ADAMTS20: variants seen among roughly 807,000 people sequenced by gnomAD.
ADAMTS20 encodes the protein A disintegrin and metalloproteinase with thrombospondin motifs 20.
A neutral mutation model predicts 260.1 loss-of-function variants in ADAMTS20; 225 were observed. The ratio of observed to expected loss-of-function variants is 0.87; its 90% CI spans 0.78 to 0.97. The LOEUF (loss-of-function observed/expected upper bound fraction) is 0.97. Among genes scored for constraint, ADAMTS20 ranks in the 50% least tolerant of loss-of-function variants. The pLI, the probability that ADAMTS20 is intolerant of heterozygous loss-of-function variation, is 0.00. For synonymous variants in ADAMTS20, 802 were observed against 769.5 expected, an observed-to-expected ratio of 1.04 and a Z score of -0.70; for missense variants, 2,400 against 2,337.7, an observed-to-expected ratio of 1.03 and a Z score of -0.55.
intron 28 of ADAMTS20, among the ~76,000 whole-genome samples, chr12:43,414,546 C>T (rs1225026496): frequency 6.6e-6 from 1 of 152,020 alleles, no homozygotes; most frequent in Non-Finnish European, 1.5e-5. Flanking sequence ...GGACAAAAGA[C>T]TTCCATAGGT....
chr12:43,530,851 T>C (rs1354778633), intron 3 of ADAMTS20, among the ~76,000 whole-genome samples: 1 of 152,096 alleles, frequency 6.6e-6, no homozygotes, highest in Non-Finnish European at 1.5e-5. Flanking sequence ...TCTAATCTAT[T>C]ATAAATCTTC....
chr12:43,508,809 G>A (rs1378823121), intron 3 of ADAMTS20, among the ~76,000 whole-genome samples: 1 of 151,870 alleles, frequency 6.6e-6, no homozygotes, highest in Non-Finnish European at 1.5e-5. Context: ...ATAAATTATT[G>A]CTGACTGTAG....
intron 16 of ADAMTS20, among the ~76,000 whole-genome samples, 189 bp downstream of exon 16, chr12:43,443,600 GTT>G (rs79186773): frequency 2.0e-5 from 3 of 147,602 alleles, no homozygotes; most frequent in Admixed American, 6.7e-5. Context: ...ATTTCATTAA[GTT>G]TTTTTTTTTT....
At chr12:43,463,325 A>G (rs1206282394) in intron 10 of ADAMTS20, among the ~76,000 whole-genome samples, 1 of 152,174 alleles carries the variant, frequency 6.6e-6, no homozygotes, top group Non-Finnish European at 1.5e-5. Context: ...TTTATTGTTA[A>G]ATATTATTCA....
At chr12:43,360,494 A>G (rs1939844018) in intron 37 of ADAMTS20, among the ~76,000 whole-genome samples, 1 of 152,086 alleles carries the variant, frequency 6.6e-6, no homozygotes, top group Non-Finnish European at 1.5e-5. Context: ...TAAAAAGACA[A>G]AGGACATAAA....
At chr12:43,435,551 A>G (rs1309516271) in intron 18 of ADAMTS20, among the ~76,000 whole-genome samples, 1 of 150,204 alleles carries the variant, frequency 6.7e-6, no homozygotes, top group Admixed American at 6.7e-5. Flanking sequence ...AGACAGGAGA[A>G]TGGTGGGTGA....
Position 43,381,735 on chromosome 12 carries a change from T to C in ADAMTS20, c.4797+1823A>G, listed in dbSNP as rs1376864498. 2.4e-5 allele frequency among the ~76,000 whole-genome samples: 3 copies of C among 127,548 alleles called. No individual in the cohort carries two copies. The Admixed American group carries it at 2.9e-4, about 13-fold the overall frequency. 83.7% of individuals were successfully genotyped at this position (127,548 alleles called of 152,430 possible). On this transcript the variant is annotated intron_variant, in intron 31 of 38. Coordinates refer to ENST00000389420, the MANE Select transcript of ADAMTS20 (RefSeq NM_025003.5). ...GGTCAAGACTTCAGTGAGCTGTAAT[T>C]ATACCACCGCACTCCAGCTTGGGCA...
chr12:43,460,986 ATATTTTTT>A (rs1433902970), intron 11 of ADAMTS20, among the ~76,000 whole-genome samples: 1 of 40,940 alleles, frequency 2.4e-5, no homozygotes, highest in African/African-American at 8.9e-5. Flanking sequence ...ATATATATAT[ATATTTTTT>A]TTTTTTTTTT....
chr12:43,504,805 C>G (rs1052093902), intron 3 of ADAMTS20, among the ~76,000 whole-genome samples: 1 of 151,850 alleles, frequency 6.6e-6, no homozygotes, highest in Non-Finnish European at 1.5e-5. Context: ...GCTTCAATAC[C>G]AATTCAACCA....
In ADAMTS20 at chr12:43,486,203, C is replaced by T. The variant is rs973741270; in HGVS notation, c.1117+4192G>A. Among the ~76,000 whole-genome samples the T allele has an allele frequency of 3.9e-5, 6 of 152,000 alleles. No homozygotes were observed. The East Asian group carries it at 5.8e-4, about 15-fold the overall frequency. On this transcript the variant is annotated intron_variant, in intron 7 of 38. Transcript: ENST00000389420. ...TACTACAAGGCTATAGTAACCAAAA[C>T]GGTATGGTACTGGTATAAAAGCAGA... is the stretch of plus-strand genomic sequence containing the variant.
intron 10 of ADAMTS20, 94 bp downstream of exon 10, chr12:43,464,497 T>C (rs1942118325): frequency 3.5e-6 from 5 of 1,414,886 alleles, no homozygotes; most frequent in African/African-American, 2.9e-5. Context: ...TTAAAAGCTA[T>C]ATTTAGTTCA....
At chr12:43,447,142 G>A (rs1195320490) in intron 14 of ADAMTS20, among the ~76,000 whole-genome samples, 2 of 151,748 alleles carry the variant, frequency 1.3e-5, no homozygotes, top group Non-Finnish European at 2.9e-5. Context: ...CCTTCTATGA[G>A]GTCAGCATCA....
intron 37 of ADAMTS20, among the ~76,000 whole-genome samples, chr12:43,367,423 C>G (rs1940011987): frequency 6.6e-6 from 1 of 152,012 alleles, no homozygotes; most frequent in African/African-American, 2.4e-5. Context: ...AACACTCTAT[C>G]AATCCAGTAA....
intron 16 of ADAMTS20, among the ~76,000 whole-genome samples, chr12:43,441,119 A>G (rs981066127): frequency 6.6e-6 from 1 of 151,792 alleles, no homozygotes. Context: ...AAGGCCATGC[A>G]ATGACTATGC....
chr12:43,550,107 CT>C (rs1226285293), intron 2 of ADAMTS20, among the ~76,000 whole-genome samples: 1 of 152,290 alleles, frequency 6.6e-6, no homozygotes, highest in East Asian at 1.9e-4. Flanking sequence ...TTTAAAACAA[CT>C]GTCCTTACCC....
At chr12:43,512,675 T>C (rs1352440904) in intron 3 of ADAMTS20, among the ~76,000 whole-genome samples, 1 of 152,186 alleles carries the variant, frequency 6.6e-6, no homozygotes, top group African/African-American at 2.4e-5. Flanking sequence ...AGTGGCCAGC[T>C]GAAACTTGAA....
chr12:43,355,582 T>A (rs1164718199), intron 38 of ADAMTS20, among the ~76,000 whole-genome samples: 4 of 152,098 alleles, frequency 2.6e-5, no homozygotes, highest in African/African-American at 9.7e-5. Context: ...AATAGGAGTA[T>A]AACTAAATTT....
chr12:43,427,924 G>T (rs1212129056), intron 26 of ADAMTS20, among the ~76,000 whole-genome samples: 1 of 151,874 alleles, frequency 6.6e-6, no homozygotes, highest in Non-Finnish European at 1.5e-5. Flanking sequence ...TAATAATTTT[G>T]GGATTTAGGT....
At chr12:43,363,275 T>A (rs926529186) in intron 37 of ADAMTS20, among the ~76,000 whole-genome samples, 14 of 152,102 alleles carry the variant, frequency 9.2e-5, no homozygotes, top group African/African-American at 3.1e-4. Context: ...GCATTTCTCA[T>A]CCCACCCAAG....
Sources: gnomAD v4.1 joint callset for allele counts (sites outside exome capture counted in the v4.1 genomes callset) on GRCh38, gnomAD v4.1.1 for gene constraint, MANE v1.5 for transcripts, NCBI Gene and HGNC (gene_info 2026-07-23, HGNC 2026-07-21) for gene names.